Variants in ARMC9 observed in about 807,000 individuals in gnomAD.
ARMC9 encodes the protein armadillo repeat containing 9, also known as lisH domain-containing protein ARMC9.
Under a neutral mutation model 107.0 loss-of-function variants are expected in ARMC9, and 94 were observed. That is an observed-to-expected ratio of 0.88 (90% CI 0.74 to 1.04). The LOEUF is 1.04. ARMC9 is among the 50% of genes least tolerant of loss of function. ARMC9 has a pLI of 0.00. For missense variants in ARMC9, 942 were observed against 1,030.1 expected (o/e 0.91, Z 1.17); for synonymous variants, 380 against 396.9 (o/e 0.96, Z 0.51).
At chr2:231,215,277 C>G in intron 4 of ARMC9, 1 of 340,480 alleles carries the variant, frequency 2.9e-6, no homozygotes, top group East Asian at 5.9e-5. Context: ...TATTTGGCAA[C>G]TTAGTATGTA....
At chr2:231,315,264 C>T (rs1425531704) in intron 19 of ARMC9, among the ~76,000 whole-genome samples, 1 of 143,550 alleles carries the variant, frequency 7.0e-6, no homozygotes, top group East Asian at 2.1e-4. Flanking sequence ...AAATGCTGGA[C>T]GCAGTAGCTC....
intron 20 of ARMC9, among the ~76,000 whole-genome samples, chr2:231,333,616 C>T (rs1259179569): frequency 2.0e-5 from 3 of 152,180 alleles, no homozygotes; most frequent in Non-Finnish European, 4.4e-5. Flanking sequence ...TTTGGAAGAG[C>T]GCTGGTTTTG....
chr2:231,308,733 C>T (rs2042171518), intron 19 of ARMC9, among the ~76,000 whole-genome samples: 1 of 152,212 alleles, frequency 6.6e-6, no homozygotes, highest in African/African-American at 2.4e-5. Context: ...CTTTGCATTC[C>T]ATACGCAGAG....
chr2:231,276,189 G>A (rs1193475044), intron 14 of ARMC9, among the ~76,000 whole-genome samples: 1 of 151,836 alleles, frequency 6.6e-6, no homozygotes, highest in Admixed American at 6.6e-5. Flanking sequence ...TATTTCAATT[G>A]TATGGGTTTA....
At chr2:231,299,720 G>A (rs2041607149) in intron 19 of ARMC9, among the ~76,000 whole-genome samples, 1 of 152,180 alleles carries the variant, frequency 6.6e-6, no homozygotes, top group East Asian at 1.9e-4. Context: ...AGCTCCAGCC[G>A]AGAGGGAGAG....
At chr2:231,350,112 G>A (rs528168260) in intron 21 of ARMC9, among the ~76,000 whole-genome samples, 110 of 150,860 alleles carry the variant, frequency 7.3e-4, no homozygotes, top group African/African-American at 2.5e-3. Flanking sequence ...TGCAAGCTCC[G>A]CCTCCCAGGT....
At chr2:231,306,001 G>A (rs1461685908) in intron 19 of ARMC9, among the ~76,000 whole-genome samples, 4 of 152,080 alleles carry the variant, frequency 2.6e-5, no homozygotes, top group Non-Finnish European at 4.4e-5. Context: ...CTTAACTGAC[G>A]TTTACACTCC....
intron 2 of ARMC9, among the ~76,000 whole-genome samples, chr2:231,207,882 C>T (rs2032259241): frequency 6.6e-6 from 1 of 152,182 alleles, no homozygotes; most frequent in South Asian, 2.1e-4. Flanking sequence ...TTCTCCACAT[C>T]CTTGCCAAGA....
intron 2 of ARMC9, among the ~76,000 whole-genome samples, chr2:231,207,686 G>A (rs2032226172): frequency 6.6e-6 from 1 of 152,142 alleles, no homozygotes; most frequent in African/African-American, 2.4e-5. Context: ...TTGCTGGCCA[G>A]GCTGGTCTCG....
intron 20 of ARMC9, among the ~76,000 whole-genome samples, chr2:231,336,241 C>A (rs1260701012): frequency 6.7e-6 from 1 of 149,228 alleles, no homozygotes; most frequent in African/African-American, 2.5e-5. Context: ...TTCATAGTGA[C>A]CTTTAACAGT....
rs959929161 is a variant in ARMC9 at position 231,259,029 on chromosome 2, A to G, written c.953A>G (p.Tyr318Cys). 6.2e-7 allele frequency: 1 copy of G among 1,614,056 alleles called. No homozygotes were observed. Among genetic ancestry groups the G allele is most frequent in the Non-Finnish European group, 8.5e-7 (1 of 1,180,000 alleles). Residue 318 changes from tyrosine to cysteine, a missense_variant, in exon 11 of 25, where the codon TAT (tyrosine) becomes TGT (cysteine). Transcript: ENST00000611582. ...GTCCCATTACTGCCCTCCTTGGATTATGAGAAACTGAAGAAGGATTTGATT... is the reference window on the plus strand; with the variant it reads ...GTCCCATTACTGCCCTCCTTGGATTGTGAGAAACTGAAGAAGGATTTGATT... ...KDVPLLPSLD[Y>C]EKLKKDLILG...
At chr2:231,320,589 C>T (rs917267969) in intron 19 of ARMC9, among the ~76,000 whole-genome samples, 1 of 151,432 alleles carries the variant, frequency 6.6e-6, no homozygotes, top group African/African-American at 2.4e-5. Context: ...GTGTCCTTTC[C>T]TTCCTTTTCT....
At chr2:231,202,575 G>C (rs964950815) in intron 1 of ARMC9, among the ~76,000 whole-genome samples, 1 of 152,228 alleles carries the variant, frequency 6.6e-6, no homozygotes, top group African/African-American at 2.4e-5. Context: ...GCCTGCCTTG[G>C]TGTCCCAAAG....
chr2:231,339,594 G>A (rs993267053), intron 20 of ARMC9, among the ~76,000 whole-genome samples: 1 of 152,114 alleles, frequency 6.6e-6, no homozygotes, highest in Non-Finnish European at 1.5e-5. Context: ...AAGCCACTGT[G>A]CATGACCCGT....
chr2:231,360,781 G>A lies in ARMC9; in HGVS notation c.2159G>A (p.Trp720Ter). 1 of 1,536,174 alleles carries A rather than the reference G, an allele frequency of 6.5e-7. No individual in the cohort carries two copies. Among genetic ancestry groups the A allele is most frequent in the Non-Finnish European group, 8.7e-7 (1 of 1,146,920 alleles). Residue 720 changes from tryptophan to a stop codon, truncating the protein, a stop_gained, in exon 23 of 25, where the codon TGG becomes TAG. Transcript: ENST00000611582. LOFTEE classifies it high-confidence loss of function. This position sits in a 1 kb window ranked among gnomAD's most constrained non-coding sequence, Gnocchi z 4.7. ...SSAIIAKPGEWLPRGRQEEPR... is the reference protein window; with the variant it reads ...SSAIIAKPGE Reference sequence around the variant, plus strand: ...GCCATCATCGCCAAGCCAGGAGAGTGGCTCCCAAGAGGACGCCAGGAAGAG... The same window carrying A: ...GCCATCATCGCCAAGCCAGGAGAGTAGCTCCCAAGAGGACGCCAGGAAGAG...
At chr2:231,253,569 AT>A in intron 9 of ARMC9, among the ~76,000 whole-genome samples, 1 of 152,250 alleles carries the variant, frequency 6.6e-6, no homozygotes, top group Non-Finnish European at 1.5e-5. Context: ...AAAAAATGTT[AT>A]GGACCAGAGT....
At chr2:231,228,391 A>G (rs1314727973) in intron 7 of ARMC9, among the ~76,000 whole-genome samples, 1 of 152,216 alleles carries the variant, frequency 6.6e-6, no homozygotes, top group Admixed American at 6.5e-5. Flanking sequence ...GCCAACTCCA[A>G]GGCACTCACA....
rs1009169476 is a variant in ARMC9 at position 231,361,005 on chromosome 2, G to A, written c.2261+122G>A. 2.9e-6 allele frequency: 4 copies of A among 1,379,348 alleles called. No homozygotes were observed. In the Admixed American group the frequency reaches 8.6e-5, roughly 30 times the overall value. 85.4% of individuals were successfully genotyped at this position (1,379,348 alleles called of 1,614,324 possible). A position where few individuals can be genotyped will look rare whatever the true frequency, so the allele number is the denominator to read the frequency against. On this transcript the variant is annotated intron_variant, in intron 23 of 24. Coordinates refer to ENST00000611582, the MANE Select transcript of ARMC9 (RefSeq NM_001352754.2). ...TCCTCTGAGGCCCAGCCTCTGACAG[G>A]GGAGGCTAAGGAGCAGTGTCAAGAT...
chr2:231,201,268 C>T (rs2030904123), intron 1 of ARMC9, among the ~76,000 whole-genome samples: 1 of 152,226 alleles, frequency 6.6e-6, no homozygotes, highest in Admixed American at 6.5e-5. Flanking sequence ...CCTTCACAAA[C>T]CCCAGCTCCT....
Sources: gnomAD v4.1 joint callset for allele counts (sites outside exome capture counted in the v4.1 genomes callset) on GRCh38, gnomAD v4.1.1 for gene constraint, Gnocchi (gnomAD v3.1) non-coding constraint, MANE v1.5 for transcripts, NCBI Gene and HGNC (gene_info 2026-07-23, HGNC 2026-07-21) for gene names.